Variants in FRMD4A observed in about 807,000 individuals in gnomAD.
FRMD4A encodes the protein FERM domain-containing protein 4A.
Under a neutral mutation model 129.1 loss-of-function variants are expected in FRMD4A, and 29 were observed. That is an observed-to-expected ratio of 0.22 (90% CI 0.17 to 0.31). The LOEUF (loss-of-function observed/expected upper bound fraction) is 0.31. FRMD4A is among the 10% of genes least tolerant of loss of function. The pLI is 1.00. For missense variants in FRMD4A, 1,272 were observed against 1,375.8 expected (o/e 0.92, Z 1.19); for synonymous variants, 634 against 571.6 (o/e 1.11, Z -1.56).
intron 2 of FRMD4A, among the ~76,000 whole-genome samples, chr10:14,090,923 C>T (rs2131751786): frequency 6.6e-6 from 1 of 152,258 alleles, no homozygotes; most frequent in South Asian, 2.1e-4. Flanking sequence ...ATCCTCCTGC[C>T]TCAGCCTCCT....
In FRMD4A at chr10:13,873,569, C is replaced by T. The variant is rs533821285; in HGVS notation, c.46-14657G>A. 8.2e-4 allele frequency among the ~76,000 whole-genome samples: 125 copies of T among 152,282 alleles called. 1 individual carries two copies. The highest frequency in any genetic ancestry group is 2.2e-3 in the African/African-American group (93 of 41,568). On this transcript the variant is annotated intron_variant, in intron 2 of 24. Coordinates refer to ENST00000357447, the MANE Select transcript of FRMD4A (RefSeq NM_018027.5). The stretch of plus-strand genomic sequence containing the variant: ...TAAATTAGTTAATTTATTTTTGAGA[C>T]GGAGTCTCGCTCTTTCGCCCAGGCT...
At chr10:14,061,505 T>A (rs1053364509) in intron 2 of FRMD4A, among the ~76,000 whole-genome samples, 6 of 152,146 alleles carry the variant, frequency 3.9e-5, no homozygotes, top group African/African-American at 1.4e-4. Flanking sequence ...TTATTGATTA[T>A]CAAAGGGTAG....
At chr10:13,787,099 G>T (rs1385177286) in intron 5 of FRMD4A, among the ~76,000 whole-genome samples, 1 of 152,150 alleles carries the variant, frequency 6.6e-6, no homozygotes, top group Non-Finnish European at 1.5e-5. Flanking sequence ...CATAAAAGGG[G>T]CAGAGAAGGT....
chr10:13,777,931 T>C (rs548642665), intron 6 of FRMD4A, among the ~76,000 whole-genome samples: 23 of 151,052 alleles, frequency 1.5e-4, no homozygotes, highest in African/African-American at 5.1e-4. Context: ...GCCTCCCGAG[T>C]AGCTGGGATT....
intron 2 of FRMD4A, among the ~76,000 whole-genome samples, chr10:13,919,284 C>T (rs1419364386): frequency 2.0e-5 from 3 of 152,184 alleles, no homozygotes; most frequent in African/African-American, 7.2e-5. Flanking sequence ...TATTGTTTGA[C>T]TTAGGAAGCT....
intron 2 of FRMD4A, among the ~76,000 whole-genome samples, chr10:13,919,294 T>G (rs1019284887): frequency 6.6e-6 from 1 of 152,240 alleles, no homozygotes; most frequent in African/African-American, 2.4e-5. Context: ...CTTAGGAAGC[T>G]GTTCAGTCAT....
At chr10:13,951,276 G>A (rs1190686445) in intron 2 of FRMD4A, among the ~76,000 whole-genome samples, 1 of 152,122 alleles carries the variant, frequency 6.6e-6, no homozygotes, top group South Asian at 2.1e-4. Flanking sequence ...TGAGGATGCG[G>A]GGCGCCAGGA....
At chr10:13,743,408 A>G (rs1477806899) in intron 9 of FRMD4A, among the ~76,000 whole-genome samples, 2 of 152,114 alleles carry the variant, frequency 1.3e-5, no homozygotes, top group African/African-American at 2.4e-5. Flanking sequence ...GTCGACTCCT[A>G]GATCCAGGGT....
At chr10:13,693,772 A>G (rs1278799793) in intron 15 of FRMD4A, 126 bp downstream of exon 15, 1 of 1,043,752 alleles carries the variant, frequency 9.6e-7, no homozygotes, top group East Asian at 2.5e-5. Context: ...TGGTCTGGAA[A>G]GCAAAGCCAG....
intron 2 of FRMD4A, among the ~76,000 whole-genome samples, chr10:14,005,135 G>A (rs2095657471): frequency 6.6e-6 from 1 of 151,880 alleles, no homozygotes; most frequent in African/African-American, 2.4e-5. Flanking sequence ...CGATTCCCCT[G>A]CCACAGCCTC....
intron 12 of FRMD4A, 160 bp from the exon 13 acceptor site, chr10:13,707,273 T>TACACAC (rs1175253259): frequency 2.7e-6 from 2 of 737,386 alleles, no homozygotes; most frequent in African/African-American, 3.6e-5. Flanking sequence ...CACACACACA[T>TACACAC]ACACACACAC....
intron 2 of FRMD4A, among the ~76,000 whole-genome samples, chr10:14,185,660 C>G (rs769948954): frequency 6.6e-6 from 1 of 152,140 alleles, no homozygotes; most frequent in Non-Finnish European, 1.5e-5. Context: ...CGGTTGTTAG[C>G]TGTGCAGATG....
chr10:14,166,377 G>A (rs551151581), intron 2 of FRMD4A, among the ~76,000 whole-genome samples: 104 of 152,044 alleles, frequency 6.8e-4, no homozygotes, highest in Non-Finnish European at 1.1e-3. Context: ...TTGTTTTACT[G>A]TTTCTAGCTA....
intron 5 of FRMD4A, 42 bp from the exon 6 acceptor site, chr10:13,783,048 T>C (rs578144313): frequency 2.5e-6 from 2 of 808,022 alleles, no homozygotes; most frequent in African/African-American, 1.7e-5. Flanking sequence ...AAACAGCAGG[T>C]GCAGAAAATA....
At chr10:14,050,573 G>A (rs1369080814) in intron 2 of FRMD4A, among the ~76,000 whole-genome samples, 2 of 152,072 alleles carry the variant, frequency 1.3e-5, no homozygotes, top group Non-Finnish European at 1.5e-5. Flanking sequence ...TTGGGGGTGG[G>A]GGCTGGTCAC....
intron 2 of FRMD4A, among the ~76,000 whole-genome samples, chr10:13,865,738 G>C (rs1234800445): frequency 6.6e-6 from 1 of 152,042 alleles, no homozygotes; most frequent in Admixed American, 6.6e-5. Context: ...GCCTGGCCTA[G>C]AGCATTTTTA....
intron 6 of FRMD4A, among the ~76,000 whole-genome samples, chr10:13,764,646 G>A (rs1432896404): frequency 3.9e-5 from 6 of 152,268 alleles, no homozygotes; most frequent in Non-Finnish European, 7.4e-5. Context: ...ACATGTTAAA[G>A]ACAAAGAGAA....
intron 5 of FRMD4A, among the ~76,000 whole-genome samples, chr10:13,789,852 A>T (rs2092955969): frequency 1.3e-5 from 2 of 150,668 alleles, no homozygotes; most frequent in African/African-American, 4.9e-5. Flanking sequence ...AGTTAAGCAG[A>T]AGTCACATCA....
chr10:14,239,645 A>AAC (rs1322215324), intron 2 of FRMD4A, among the ~76,000 whole-genome samples: 54 of 121,372 alleles, frequency 4.4e-4, no homozygotes, highest in African/African-American at 1.4e-3. Context: ...ACAAACAAAC[A>AAC]AACAAACAAA....
Sources: gnomAD v4.1 joint callset for allele counts (sites outside exome capture counted in the v4.1 genomes callset) on GRCh38, gnomAD v4.1.1 for gene constraint, MANE v1.5 for transcripts, NCBI Gene and HGNC (gene_info 2026-07-23, HGNC 2026-07-21) for gene names.